Variants in SERPING1 observed in about 807,000 individuals in gnomAD.
The protein encoded by SERPING1 is plasma protease C1 inhibitor.
A neutral mutation model predicts 34.1 loss-of-function variants in SERPING1; 5 were observed. The observed-to-expected ratio is 0.15, with a 90% CI of 0.08 to 0.31. The LOEUF (loss-of-function observed/expected upper bound fraction) is 0.31, where lower values mean the gene tolerates loss of function less well. Ranked by LOEUF, SERPING1 falls within the 10% of genes least tolerant of loss-of-function variation. The pLI is 1.00. For synonymous variants in SERPING1, 225 were observed against 242.4 expected (o/e 0.93, Z 0.67); for missense variants, 505 against 609.5 (o/e 0.83, Z 1.81).
At chr11:57,608,483 A>C (rs568895324) in intron 6 of SERPING1, among the ~76,000 whole-genome samples, 3 of 152,226 alleles carry the variant, frequency 2.0e-5, no homozygotes, top group Admixed American at 6.5e-5. Context: ...AGTAATTTCT[A>C]TCTCCCCAAG....
At chr11:57,605,864 G>A (rs1465111094) in intron 4 of SERPING1, 146 bp from the exon 5 acceptor site, 8 of 802,120 alleles carry the variant, frequency 1.0e-5, no homozygotes, top group Non-Finnish European at 1.3e-5. Context: ...ACATCTGTAA[G>A]AGGAGTGGGC....
At position 57,602,040 on chromosome 11, in the gene SERPING1, G is replaced by A. The variant is rs1438755529; in HGVS notation, c.556G>A (p.Gly186Arg). The A allele has an allele frequency of 6.2e-6, 10 of 1,614,076 alleles. No homozygotes were observed. Among genetic ancestry groups the A allele is most frequent in the Non-Finnish European group, 8.5e-6 (10 of 1,180,004 alleles). ...SLLTQVLLGA[G>R]ENTKTNLESI... ...ATCTCTGCCCTTTGTTGCAGGGGCT[G>A]GGGAGAACACCAAAACAAACCTGGA... The change falls in exon 4 of 8, where the codon GGG becomes AGG. Residue 186 changes from glycine to arginine, a missense_variant. By Grantham distance (125) the Gly-to-Arg change is moderately radical. Coordinates refer to ENST00000278407, the MANE Select transcript of SERPING1 (RefSeq NM_000062.3).
intron 6 of SERPING1, among the ~76,000 whole-genome samples, chr11:57,609,189 A>G (rs1945447730): frequency 6.6e-6 from 1 of 152,076 alleles, no homozygotes; most frequent in Admixed American, 6.6e-5. Flanking sequence ...TAAGGCACAG[A>G]ATCACTTGAA....
intron 6 of SERPING1, 44 bp downstream of exon 6, chr11:57,606,591 G>A (rs1488755224): frequency 6.2e-7 from 1 of 1,610,290 alleles, no homozygotes; most frequent in African/African-American, 1.3e-5. Context: ...ACCTACTTGA[G>A]TCTCCTGACT....
At chr11:57,605,968 C>T (rs201751315) in intron 4 of SERPING1, 42 bp from the exon 5 acceptor site, 52 of 1,551,106 alleles carry the variant, frequency 3.4e-5, no homozygotes, top group South Asian at 2.0e-4. Flanking sequence ...GAAAGAACGA[C>T]GTGTTCAGGA....
chr11:57,606,262 C>T lies in SERPING1; in HGVS notation c.889+49C>T, dbSNP rs1366540443. On this transcript the variant is annotated intron_variant, in intron 5 of 7. Coordinates refer to ENST00000278407, the MANE Select transcript of SERPING1 (RefSeq NM_000062.3). ...GTCTTCCCATTCTGGGTCCTTCTTC[C>T]CCTCCTGGCTTCAAAGCCCACTTAA... 11 of 1,609,046 alleles carry T rather than the reference C, an allele frequency of 6.8e-6. No homozygotes were observed. The East Asian group carries it at 8.9e-5, about 13-fold the overall frequency.
chr11:57,602,111 C>T lies in SERPING1; in HGVS notation c.627C>T (p.Ala209=). ...AGGACTTCACCTGTGTCCACCAGGC[C>T]CTGAAGGGCTTCACGACCAAAGGTG... ...YPKDFTCVHQ[A]LKGFTTKGVT... The change falls in exon 4 of 8, where the codon GCC becomes GCT. Residue 209 remains alanine (A), a synonymous_variant. Coordinates refer to ENST00000278407, the MANE Select transcript of SERPING1 (RefSeq NM_000062.3). 1 of 1,614,164 alleles carries T rather than the reference C, an allele frequency of 6.2e-7. No individual in the cohort carries two copies. Among genetic ancestry groups the T allele is most frequent in the Non-Finnish European group, 8.5e-7 (1 of 1,180,036 alleles).
chr11:57,614,841 G>A lies in SERPING1; in HGVS notation c.*260G>A. 2.1e-6 allele frequency: 1 copy of A among 476,576 alleles called. No homozygotes were observed. Among genetic ancestry groups the A allele is most frequent in the Non-Finnish European group, 3.7e-6 (1 of 269,958 alleles). 29.5% of individuals were successfully genotyped at this position (476,576 alleles called of 1,614,324 possible). ...CAGACTCTATAAATAAAACCTGACA[G>A]ACCATGACTTTCTCTGCTTTGCCTT... On this transcript the variant is annotated 3_prime_UTR_variant, in exon 8 of 8. Transcript: ENST00000278407.
rs777831305 is a variant in SERPING1, at chr11:57,606,453, C to A, written c.935C>A (p.Pro312His). 1.9e-6 allele frequency: 3 copies of A among 1,614,010 alleles called. No homozygotes were observed. Among genetic ancestry groups the A allele is most frequent in the South Asian group, 1.1e-5 (1 of 91,086 alleles). ...TFDPKKTRME[P>H]FHFKNSVIKV... ...GATCCCAAGAAAACCAGAATGGAACCCTTTCACTTCAAAAACTCAGTTATA... is the reference window on the plus strand; with the variant it reads ...GATCCCAAGAAAACCAGAATGGAACACTTTCACTTCAAAAACTCAGTTATA... The change falls in exon 6 of 8, where the codon CCC (proline) becomes CAC (histidine). Residue 312 changes from proline to histidine, a missense_variant. Physicochemically the swap from Pro to His is moderately conservative, Grantham distance 77. Transcript: ENST00000278407.
intron 6 of SERPING1, among the ~76,000 whole-genome samples, chr11:57,608,563 A>G (rs1256573957): frequency 2.6e-5 from 4 of 152,168 alleles, no homozygotes; most frequent in Non-Finnish European, 5.9e-5. Context: ...CCCAGGCCGG[A>G]GTGCAGTGGC....
At chr11:57,608,146 T>C (rs889681552) in intron 6 of SERPING1, among the ~76,000 whole-genome samples, 3 of 152,174 alleles carry the variant, frequency 2.0e-5, no homozygotes, top group African/African-American at 7.2e-5. Context: ...AAATTCAAGA[T>C]ACGTTGGGGG....
At chr11:57,598,016 G>C (rs979921873) in intron 1 of SERPING1, 4 of 557,152 alleles carry the variant, frequency 7.2e-6, no homozygotes, top group Non-Finnish European at 1.3e-5. Flanking sequence ...CAGATGGACA[G>C]AGACCCGGGC....
In SERPING1 at chr11:57,600,156, C is replaced by T; in HGVS notation, c.329C>T (p.Pro110Leu). ...CCCACCCAACCAACTACCCAGCTCCCAACAGATTCTCCTACCCAGCCCACT... is the reference window on the plus strand; with the variant it reads ...CCCACCCAACCAACTACCCAGCTCCTAACAGATTCTCCTACCCAGCCCACT... ...IQPTQPTTQLPTDSPTQPTTG... is the reference protein window; with the variant it reads ...IQPTQPTTQLLTDSPTQPTTG... The change falls in exon 3 of 8, where the codon CCA becomes CTA. Residue 110 changes from proline (P) to leucine (L), a missense_variant. By Grantham distance (98) the Pro-to-Leu change is moderately conservative (BLOSUM62 -3). Coordinates refer to ENST00000278407, the MANE Select transcript of SERPING1 (RefSeq NM_000062.3). The T allele has an allele frequency of 6.2e-7, 1 of 1,613,862 alleles. No homozygotes were observed. The highest frequency in any genetic ancestry group is 8.5e-7 in the Non-Finnish European group (1 of 1,179,906).
chr11:57,612,721 G>A (rs1187628756), intron 7 of SERPING1, among the ~76,000 whole-genome samples: 1 of 150,072 alleles, frequency 6.7e-6, no homozygotes, highest in Non-Finnish European at 1.5e-5. Flanking sequence ...CCAGCCCAGA[G>A]ACTCCATTTT....
At chr11:57,605,599 T>TTC in intron 4 of SERPING1, 1 of 165,618 alleles carries the variant, frequency 6.0e-6, no homozygotes, top group Non-Finnish European at 1.3e-5. Context: ...TTTTTTTTTT[T>TTC]CAGTGGACTG....
chr11:57,599,285 C>T (rs1025072238), intron 2 of SERPING1, among the ~76,000 whole-genome samples: 4 of 152,170 alleles, frequency 2.6e-5, no homozygotes, highest in Non-Finnish European at 5.9e-5. Context: ...TGTCTCTGGA[C>T]ATTGCCAAAT....
chr11:57,613,347 C>T (rs1945501936), intron 7 of SERPING1, among the ~76,000 whole-genome samples: 1 of 152,134 alleles, frequency 6.6e-6, no homozygotes, highest in Admixed American at 6.5e-5. Flanking sequence ...AGCAAATTTC[C>T]CCCCGTTTCC....
rs559299762 is a variant in SERPING1 at position 57,600,535 on chromosome 11, G to A, written c.550+158G>A. Among the ~76,000 whole-genome samples, 9 of 152,200 alleles carry A rather than the reference G, an allele frequency of 5.9e-5. No homozygotes were observed. The South Asian group carries it at 1.9e-3, about 32-fold the overall frequency. The stretch of plus-strand genomic sequence containing the variant: ...TAGAGGGATGTATCTTTTCATTCTT[G>A]AACATTCCATCATTTCACAGTGATG... On this transcript the variant is annotated intron_variant, in intron 3 of 7. Transcript: ENST00000278407.
chr11:57,614,198 C>G (rs1945510046), intron 7 of SERPING1, 130 bp from the exon 8 acceptor site: 3 of 1,212,898 alleles, frequency 2.5e-6, no homozygotes, highest in Admixed American at 1.7e-5. Context: ...AGTATGTAAT[C>G]TGGCAAACAA....
Sources: gnomAD v4.1 joint callset for allele counts (sites outside exome capture counted in the v4.1 genomes callset) on GRCh38, gnomAD v4.1.1 for gene constraint, MANE v1.5 for transcripts, NCBI Gene and HGNC (gene_info 2026-07-23, HGNC 2026-07-21) for gene names.